Variants in SHANK2 observed in about 807,000 individuals in gnomAD.
SHANK2 encodes SH3 and multiple ankyrin repeat domains protein 2.
A neutral mutation model predicts 133.7 loss-of-function variants in SHANK2; 43 were observed. The observed-to-expected ratio is 0.32, with a 90% CI of 0.25 to 0.41. SHANK2 has a LOEUF of 0.41. Among genes scored for constraint, SHANK2 ranks in the 10% least tolerant of loss-of-function variants. The pLI, the probability that SHANK2 is intolerant of heterozygous loss-of-function variation, is 1.00. For synonymous variants in SHANK2, 1,017 were observed against 952.8 expected (o/e 1.07, Z -1.24); for missense variants, 1,994 against 2,235.8 (o/e 0.89, Z 2.18).
In SHANK2 at chr11:71,190,343, T is replaced by C. The variant is rs184884488; in HGVS notation, c.-13+34354A>G. 1.7e-3 allele frequency among the ~76,000 whole-genome samples: 266 copies of C among 152,288 alleles called. 1 individual carries two copies. Among genetic ancestry groups the C allele is most frequent in the African/African-American group, 6.2e-3 (259 of 41,566 alleles). On this transcript the variant is annotated intron_variant, in intron 2 of 25. Coordinates refer to ENST00000601538, the MANE Select transcript of SHANK2 (RefSeq NM_012309.5). ...TTGTGTTCTCCTTCCAAGTAATCAA[T>C]AACCAGGCCCTAGAGGCAGCGGTGC...
chr11:71,147,181 G>GTCC lies in SHANK2; in HGVS notation c.143_145dup (p.Arg48dup), dbSNP rs1952669288. On this transcript the variant is annotated inframe_insertion, in exon 3 of 26. Transcript: ENST00000601538. ...CAGCGTGTTGCCCTGGCTCTCCTCC[G>GTCC]TCCTGGCACCGCCCGGCTTCTCCGC... 1.3e-6 allele frequency: 2 copies of GTCC among 1,550,574 alleles called. No individual in the cohort carries two copies. The highest frequency in any genetic ancestry group is 2.7e-5 in the African/African-American group (2 of 73,050).
intron 17 of SHANK2, among the ~76,000 whole-genome samples, chr11:70,581,242 C>T (rs2060180842): frequency 6.6e-6 from 1 of 152,234 alleles, no homozygotes; most frequent in Non-Finnish European, 1.5e-5. Context: ...ACCTGACTGG[C>T]TGTTCCAGTA....
intron 14 of SHANK2, among the ~76,000 whole-genome samples, chr11:70,789,891 G>A (rs1320701118): frequency 6.6e-6 from 1 of 152,188 alleles, no homozygotes; most frequent in Non-Finnish European, 1.5e-5. Flanking sequence ...TGATAGTCAA[G>A]TCTTTTGTTT....
intron 2 of SHANK2, among the ~76,000 whole-genome samples, chr11:71,167,362 C>T (rs1284849221): frequency 7.9e-5 from 12 of 151,138 alleles, no homozygotes; most frequent in Admixed American, 4.6e-4. Flanking sequence ...TAGGGGCGGC[C>T]GGGCAGAGGC....
chr11:70,656,026 C>T (rs1267841239), intron 17 of SHANK2, among the ~76,000 whole-genome samples: 3 of 152,150 alleles, frequency 2.0e-5, no homozygotes, highest in African/African-American at 4.8e-5. Flanking sequence ...ATCCAAGTGG[C>T]GTCCCCACCT....
At chr11:70,502,096 G>A (rs1022525570) in intron 19 of SHANK2, 110 bp downstream of exon 19, 40 of 1,346,592 alleles carry the variant, frequency 3.0e-5, no homozygotes, top group South Asian at 2.3e-4. Context: ...ACAGGGGCAG[G>A]AGGGGGGTAG....
At chr11:70,575,563 C>T (rs1554984077) in intron 17 of SHANK2, among the ~76,000 whole-genome samples, 2 of 151,316 alleles carry the variant, frequency 1.3e-5, no homozygotes, top group Non-Finnish European at 1.5e-5. Flanking sequence ...AGCCCCAAAG[C>T]GGGGACACAG....
At chr11:70,796,818 C>T (rs72935496) in intron 14 of SHANK2, among the ~76,000 whole-genome samples, 5,194 of 152,280 alleles carry the variant, frequency 0.034, 112 homozygotes, top group Non-Finnish European at 0.053. Context: ...CTAGTGGGAT[C>T]CAAGATGGCA....
chr11:71,077,707 C>T (rs1329583012), intron 8 of SHANK2, among the ~76,000 whole-genome samples: 2 of 151,952 alleles, frequency 1.3e-5, no homozygotes, highest in African/African-American at 4.8e-5. Context: ...AGCTGCCATG[C>T]AGGGGGGTGA....
At position 70,501,906 on chromosome 11, in the gene SHANK2, C is replaced by A. The variant is rs1555158612; in HGVS notation, c.2287+17G>T. The A allele has an allele frequency of 6.4e-7, 1 of 1,559,790 alleles. No homozygotes were observed. The highest frequency in any genetic ancestry group is 1.4e-5 in the African/African-American group (1 of 73,538). On this transcript the variant is annotated intron_variant, in intron 20 of 25. Transcript: ENST00000601538. ...CAGCAGGGGGAGCTGCTTTGGGGAC[C>A]CAGTGGGGCTGCTTACCTTTATCCA...
intron 11 of SHANK2, among the ~76,000 whole-genome samples, chr11:70,832,498 T>G (rs1555058851): frequency 6.6e-6 from 1 of 152,182 alleles, no homozygotes; most frequent in African/African-American, 2.4e-5. Context: ...AAAGGCAGGT[T>G]CCGTGTCCAG....
chr11:70,743,123 G>T (rs1327755225), intron 14 of SHANK2, among the ~76,000 whole-genome samples: 3 of 152,190 alleles, frequency 2.0e-5, no homozygotes, highest in African/African-American at 7.2e-5. Flanking sequence ...GGACACAAAG[G>T]CACAGGGCGG....
chr11:70,701,699 C>T (rs782219565), intron 14 of SHANK2, among the ~76,000 whole-genome samples: 1 of 152,118 alleles, frequency 6.6e-6, no homozygotes, highest in East Asian at 1.9e-4. Flanking sequence ...CCACTGCACC[C>T]GGCCAGAAAA....
intron 17 of SHANK2, among the ~76,000 whole-genome samples, chr11:70,592,606 C>A (rs1264085680): frequency 6.6e-6 from 1 of 152,054 alleles, no homozygotes; most frequent in Admixed American, 6.5e-5. Context: ...TCTGTCTGCA[C>A]CCCCCGTTGA....
intron 12 of SHANK2, among the ~76,000 whole-genome samples, chr11:70,814,664 C>G (rs968232592): frequency 6.6e-6 from 1 of 152,254 alleles, no homozygotes; most frequent in Non-Finnish European, 1.5e-5. Context: ...CGGGGTCCAG[C>G]CCCTGCCTGT....
At chr11:71,199,091 A>G (rs1555116678) in intron 2 of SHANK2, among the ~76,000 whole-genome samples, 1 of 152,188 alleles carries the variant, frequency 6.6e-6, no homozygotes, top group African/African-American at 2.4e-5. Flanking sequence ...GGACCCCCCA[A>G]GAAGGTCCAG....
chr11:70,765,543 C>T (rs534393723), intron 14 of SHANK2, among the ~76,000 whole-genome samples: 1 of 152,298 alleles, frequency 6.6e-6, no homozygotes, highest in African/African-American at 2.4e-5. Flanking sequence ...TATTCCTAAA[C>T]TTAAAAGCCG....
intron 10 of SHANK2, among the ~76,000 whole-genome samples, chr11:70,921,075 A>G (rs560751623): frequency 2.8e-4 from 43 of 152,214 alleles, no homozygotes; most frequent in Non-Finnish European, 6.0e-4. Context: ...GAAGCTATCA[A>G]TGACTATGAG....
intron 14 of SHANK2, among the ~76,000 whole-genome samples, chr11:70,766,942 G>A (rs895197): frequency 0.2 from 31,097 of 152,162 alleles, 3,269 homozygotes; most frequent in East Asian, 0.28. Context: ...GCTGGTTAGC[G>A]CTCCTTAGAA....
Sources: gnomAD v4.1 joint callset for allele counts (sites outside exome capture counted in the v4.1 genomes callset) on GRCh38, gnomAD v4.1.1 for gene constraint, MANE v1.5 for transcripts, NCBI Gene and HGNC (gene_info 2026-07-23, HGNC 2026-07-21) for gene names.